SULF1: variants seen among roughly 807,000 people sequenced by gnomAD.
SULF1 encodes the protein sulfatase 1.
Under a neutral mutation model 110.5 loss-of-function variants are expected in SULF1, and 46 were observed. The ratio of observed to expected loss-of-function variants is 0.42; its 90% CI spans 0.33 to 0.53. SULF1 has a LOEUF of 0.53. Among genes scored for constraint, SULF1 ranks in the 20% least tolerant of loss-of-function variants. SULF1 has a pLI of 0.12. For synonymous variants in SULF1, 371 were observed against 387.1 expected, an observed-to-expected ratio of 0.96 and a Z score of 0.49; for missense variants, 941 against 1,094.2, an observed-to-expected ratio of 0.86 and a Z score of 1.98.
chr8:69,643,191 T>C (rs1811620194), intron 22 of SULF1, among the ~76,000 whole-genome samples: 1 of 152,238 alleles, frequency 6.6e-6, no homozygotes, highest in Admixed American at 6.5e-5. Context: ...TAGTCACACC[T>C]GGGAATTCAC....
chr8:69,510,629 T>G (rs1321678601), intron 3 of SULF1, among the ~76,000 whole-genome samples: 1 of 151,264 alleles, frequency 6.6e-6, no homozygotes, highest in Non-Finnish European at 1.5e-5. Flanking sequence ...TGTTTTTTTT[T>G]TTTTTGAGAC....
chr8:69,656,509 TC>T (rs1366110673), intron 22 of SULF1, among the ~76,000 whole-genome samples: 1 of 152,144 alleles, frequency 6.6e-6, no homozygotes, highest in Non-Finnish European at 1.5e-5. Context: ...GTTAGATAGT[TC>T]CCCTTCCTGT....
chr8:69,554,988 A>C (rs1414140098), intron 3 of SULF1, among the ~76,000 whole-genome samples: 5 of 126,582 alleles, frequency 4.0e-5, no homozygotes, highest in East Asian at 2.2e-4. Flanking sequence ...CAAAAAAAAA[A>C]AAAAAAAAAA....
chr8:69,504,974 C>T (rs1192847549), intron 3 of SULF1, among the ~76,000 whole-genome samples: 1 of 152,186 alleles, frequency 6.6e-6, no homozygotes, highest in Non-Finnish European at 1.5e-5. Context: ...CCTCTCTGCT[C>T]ATATCATTTG....
intron 3 of SULF1, among the ~76,000 whole-genome samples, chr8:69,512,011 A>T (rs1046428487): frequency 6.6e-6 from 1 of 152,196 alleles, no homozygotes; most frequent in East Asian, 1.9e-4. Flanking sequence ...GAATGATGAA[A>T]AAAAGCATCA....
At chr8:69,569,135 C>A (rs939654441) in intron 5 of SULF1, among the ~76,000 whole-genome samples, 1 of 152,110 alleles carries the variant, frequency 6.6e-6, no homozygotes, top group Non-Finnish European at 1.5e-5. Context: ...GCATTTCTTA[C>A]ATTCCTAGGA....
chr8:69,635,678 C>T (rs1810936686), intron 19 of SULF1, among the ~76,000 whole-genome samples: 1 of 152,056 alleles, frequency 6.6e-6, no homozygotes, highest in South Asian at 2.1e-4. Context: ...TCGAGACCAG[C>T]CTAGGCAACA....
chr8:69,548,499 G>A lies in SULF1; in HGVS notation c.-133-15040G>A, dbSNP rs542447952. The stretch of plus-strand genomic sequence containing the variant: ...CTCACTCTGTCGCTCAAGCTAGAGT[G>A]TGCAGTGGCATGATCTCGGCTCACT... On this transcript the variant is annotated intron_variant, in intron 3 of 22. Coordinates refer to ENST00000402687, the MANE Select transcript of SULF1 (RefSeq NM_001128205.2). Among the ~76,000 whole-genome samples the A allele has an allele frequency of 6.0e-5, 9 of 149,468 alleles. No individual in the cohort carries two copies. The East Asian group carries it at 1.6e-3, about 26-fold the overall frequency.
In SULF1 at chr8:69,659,145, T is replaced by C. The variant is rs992136985; in HGVS notation, c.*610T>C. 9 of 456,634 alleles carry C rather than the reference T, an allele frequency of 2.0e-5. No individual in the cohort carries two copies. The highest frequency in any genetic ancestry group is 3.1e-5 in the Non-Finnish European group (7 of 226,982). The allele number at this position is 456,634 out of a possible 1,614,324, so 28.3% of individuals were successfully genotyped here. A position where few individuals can be genotyped will look rare whatever the true frequency, so the allele number is the denominator to read the frequency against. ...AGGACATTTTTGAAGATCAACTATA[T>C]CTTCCTGTGCATTCCGATGGAATTT... On this transcript the variant is annotated 3_prime_UTR_variant, in exon 23 of 23. Coordinates refer to ENST00000402687, the MANE Select transcript of SULF1 (RefSeq NM_001128205.2).
chr8:69,597,247 C>A (rs923438148), intron 8 of SULF1: 5 of 152,248 alleles, frequency 3.3e-5, no homozygotes, highest in African/African-American at 4.8e-5. Context: ...CAACCACAGG[C>A]CTTTGGCAAA....
At chr8:69,493,454 C>CT (rs1810081682) in intron 1 of SULF1, among the ~76,000 whole-genome samples, 1 of 29,444 alleles carries the variant, frequency 3.4e-5, no homozygotes, top group African/African-American at 1.7e-4. Context: ...ACACTACACA[C>CT]ACACACACAC....
intron 3 of SULF1, among the ~76,000 whole-genome samples, chr8:69,521,215 T>C (rs1292422648): frequency 6.6e-6 from 1 of 152,200 alleles, no homozygotes; most frequent in East Asian, 1.9e-4. Flanking sequence ...ATTAATTTAA[T>C]AAATATTTGT....
chr8:69,568,565 G>T (rs1029287040), intron 5 of SULF1, among the ~76,000 whole-genome samples: 5 of 152,122 alleles, frequency 3.3e-5, no homozygotes, highest in Non-Finnish European at 7.4e-5. Context: ...ACATGAGTTG[G>T]GTGGGTAGGA....
chr8:69,631,888 TC>T (rs1310666555), intron 19 of SULF1, among the ~76,000 whole-genome samples: 1 of 152,210 alleles, frequency 6.6e-6, no homozygotes, highest in Admixed American at 6.5e-5. Context: ...GCTCTGTTTT[TC>T]CCCCATGGGA....
intron 5 of SULF1, among the ~76,000 whole-genome samples, chr8:69,569,087 A>G (rs1189859085): frequency 6.6e-6 from 1 of 152,160 alleles, no homozygotes; most frequent in Non-Finnish European, 1.5e-5. Flanking sequence ...GAGAAACAAA[A>G]TACTGAGCAG....
intron 5 of SULF1, among the ~76,000 whole-genome samples, chr8:69,566,231 A>G (rs1207240291): frequency 6.6e-6 from 1 of 152,198 alleles, no homozygotes; most frequent in African/African-American, 2.4e-5. Context: ...ATGGACCCAT[A>G]AGGCTCTAAA....
In SULF1 at chr8:69,658,674, A is replaced by C; in HGVS notation, c.*139A>C. ...CTAATTACTTGAAGGATTTAGATAG[A>C]GTATTTGCACTGCTGAAGAGTCACT... On this transcript the variant is annotated 3_prime_UTR_variant, in exon 23 of 23. Coordinates refer to ENST00000402687, the MANE Select transcript of SULF1 (RefSeq NM_001128205.2). The C allele has an allele frequency of 1.3e-6, 1 of 761,660 alleles. No individual in the cohort carries two copies. The highest frequency in any genetic ancestry group is 1.4e-5 in the South Asian group (1 of 69,166). The allele number at this position is 761,660 out of a possible 1,614,324, so 47.2% of individuals were successfully genotyped here.
chr8:69,600,552 A>G lies in SULF1; in HGVS notation c.735-51A>G, dbSNP rs186910546. ...TTTCACAACCTCGAGATATTTTCCT[A>G]AAAGACTAAGTAAGAAATATATAGT... On this transcript the variant is annotated intron_variant, in intron 8 of 22. Coordinates refer to ENST00000402687, the MANE Select transcript of SULF1 (RefSeq NM_001128205.2). 1,122 of 1,505,362 alleles carry G rather than the reference A, an allele frequency of 7.5e-4. 7 individuals are homozygous for G. The African/African-American group carries it at 0.013, about 18-fold the overall frequency. 93.3% of individuals were successfully genotyped at this position (1,505,362 alleles called of 1,614,324 possible).
At chr8:69,475,583 G>T (rs1189700614) in intron 1 of SULF1, among the ~76,000 whole-genome samples, 1 of 152,124 alleles carries the variant, frequency 6.6e-6, no homozygotes, top group Non-Finnish European at 1.5e-5. Flanking sequence ...ACAGGGAAAT[G>T]GTGGCTCAAT....
Sources: gnomAD v4.1 joint callset for allele counts (sites outside exome capture counted in the v4.1 genomes callset) on GRCh38, gnomAD v4.1.1 for gene constraint, MANE v1.5 for transcripts, NCBI Gene and HGNC (gene_info 2026-07-23, HGNC 2026-07-21) for gene names.